PDE4D: variants seen among roughly 807,000 people sequenced by gnomAD.
The protein encoded by PDE4D is 3',5'-cyclic-AMP phosphodiesterase 4D.
PDE4D carries 24 observed loss-of-function variants against 87.4 expected under a neutral mutation model. The observed-to-expected ratio is 0.27, with a 90% confidence interval of 0.20 to 0.39. The LOEUF (loss-of-function observed/expected upper bound fraction) is 0.39. PDE4D is among the 10% of genes least tolerant of loss of function. PDE4D has a pLI of 1.00. For missense variants in PDE4D, 714 were observed against 1,041.0 expected (o/e 0.69, Z 4.32); for synonymous variants, 384 against 383.2 (o/e 1.00, Z -0.02).
chr5:59,149,566 A>G (rs1961), intron 5 of PDE4D, among the ~76,000 whole-genome samples: 58,474 of 151,874 alleles, frequency 0.39, 11,648 homozygotes, highest in African/African-American at 0.45. Context: ...ATGATACTGG[A>G]ATGGAGATTT....
At position 59,008,106 on chromosome 5, in the gene PDE4D, CAT is replaced by C. The variant is rs572712224; in HGVS notation, c.922-14643_922-14642del. ...ATTTACCTAAAACCAGCAGCAGCAGCATATCTACTACAGACTTTTGTTTCACT... is the reference window on the plus strand; with the variant it reads ...ATTTACCTAAAACCAGCAGCAGCAGCATCTACTACAGACTTTTGTTTCACT... On this transcript the variant is annotated intron_variant, in intron 6 of 14. Transcript: ENST00000340635. 1.1e-4 allele frequency among the ~76,000 whole-genome samples: 16 copies of C among 152,108 alleles called. No homozygotes were observed. The South Asian group carries it at 1.9e-3, about 18-fold the overall frequency.
intron 1 of PDE4D, among the ~76,000 whole-genome samples, chr5:59,409,100 A>G (rs907799130): frequency 1.3e-5 from 2 of 151,026 alleles, no homozygotes; most frequent in African/African-American, 4.9e-5. Context: ...GTGAGCCAAG[A>G]TTGCACCATT....
intron 1 of PDE4D, among the ~76,000 whole-genome samples, chr5:59,286,418 C>T (rs993579550): frequency 5.3e-5 from 8 of 152,126 alleles, no homozygotes; most frequent in Non-Finnish European, 1.2e-4. Context: ...TGAAGCATAA[C>T]CTGGGGAAAG....
chr5:59,688,483 G>A (rs958246437), intron 1 of PDE4D, among the ~76,000 whole-genome samples: 3 of 152,072 alleles, frequency 2.0e-5, no homozygotes, highest in Non-Finnish European at 2.9e-5. Context: ...GGTACATAAC[G>A]AAATGAAGGC....
intron 11 of PDE4D, among the ~76,000 whole-genome samples, chr5:58,986,989 A>C (rs1266041687): frequency 6.6e-6 from 1 of 152,036 alleles, no homozygotes; most frequent in African/African-American, 2.4e-5. Flanking sequence ...TTAACACAAA[A>C]ATTTTATGTA....
chr5:59,416,314 G>T (rs1342673469), intron 1 of PDE4D, among the ~76,000 whole-genome samples: 1 of 152,148 alleles, frequency 6.6e-6, no homozygotes, highest in Admixed American at 6.5e-5. Flanking sequence ...GCCCAAAGAG[G>T]ACTTCTTGGA....
chr5:59,265,914 T>C (rs1471654922), intron 1 of PDE4D, among the ~76,000 whole-genome samples: 2 of 151,998 alleles, frequency 1.3e-5, no homozygotes, highest in African/African-American at 4.8e-5. Flanking sequence ...GAAGACTATA[T>C]TGAGAGGAAA....
In PDE4D at chr5:59,988,189, C is replaced by T. The variant is rs4700349; in HGVS notation, c.272+299G>A. On this transcript the variant is annotated intron_variant, in intron 3 of 16. Transcript: ENST00000502484. ...CATTAGTTCTCATTTGTTAAAATGT[C>T]TTCTATCAAGTCACATATGGCCAAT... The T allele has an allele frequency of 0.65, 169,522 of 259,434 alleles. 58,797 individuals are homozygous for T. Among genetic ancestry groups the T allele is most frequent in the East Asian group, 0.79 (10,892 of 13,758 alleles). The allele number at this position is 259,434 out of a possible 1,614,324, so 16.1% of individuals were successfully genotyped here.
chr5:59,350,946 G>A (rs1456707541), intron 1 of PDE4D, among the ~76,000 whole-genome samples: 2 of 152,190 alleles, frequency 1.3e-5, no homozygotes, highest in East Asian at 3.8e-4. Flanking sequence ...GTATGTGCAA[G>A]TTGCTTATAA....
intron 1 of PDE4D, among the ~76,000 whole-genome samples, chr5:59,414,691 C>G (rs6875027): frequency 0.17 from 26,230 of 152,218 alleles, 3,041 homozygotes; most frequent in African/African-American, 0.32. Context: ...CCACTGTGCT[C>G]TGTTACAGAG....
chr5:60,112,358 GGAGT>G (rs1218372602), intron 2 of PDE4D, among the ~76,000 whole-genome samples: 1 of 151,972 alleles, frequency 6.6e-6, no homozygotes, highest in African/African-American at 2.4e-5. Flanking sequence ...TCTTCTCCAT[GGAGT>G]GAGTAACCAC....
At chr5:59,677,366 T>C (rs1273198489) in intron 1 of PDE4D, among the ~76,000 whole-genome samples, 1 of 152,204 alleles carries the variant, frequency 6.6e-6, no homozygotes, top group Non-Finnish European at 1.5e-5. Context: ...ATTTATCTAG[T>C]GTTTTCTAAG....
intron 2 of PDE4D, among the ~76,000 whole-genome samples, chr5:60,006,008 A>C (rs1764438930): frequency 6.6e-6 from 1 of 152,032 alleles, no homozygotes; most frequent in South Asian, 2.1e-4. Flanking sequence ...AGAAATTATT[A>C]GGAAATTTTT....
chr5:59,221,017 G>A (rs1420434996), intron 1 of PDE4D, among the ~76,000 whole-genome samples: 2 of 152,082 alleles, frequency 1.3e-5, no homozygotes, highest in Non-Finnish European at 2.9e-5. Context: ...CAGGCGCTGT[G>A]CTTTGCATAT....
At chr5:60,084,402 G>A (rs1008034814) in intron 2 of PDE4D, among the ~76,000 whole-genome samples, 10 of 151,864 alleles carry the variant, frequency 6.6e-5, no homozygotes, top group Non-Finnish European at 1.2e-4. Context: ...GTGTGTGTGT[G>A]TGTGCGCGCG....
At chr5:59,505,648 G>A (rs1377738511) in intron 1 of PDE4D, among the ~76,000 whole-genome samples, 2 of 152,146 alleles carry the variant, frequency 1.3e-5, no homozygotes, top group Middle Eastern at 3.4e-3. Flanking sequence ...TTTTACTATT[G>A]GAAACCAAAA....
chr5:60,030,402 A>C (rs1170295040), intron 2 of PDE4D, among the ~76,000 whole-genome samples: 1 of 152,186 alleles, frequency 6.6e-6, no homozygotes, highest in Non-Finnish European at 1.5e-5. Context: ...GTGAGCCGAG[A>C]TTGCGCCACT....
intron 2 of PDE4D, among the ~76,000 whole-genome samples, chr5:59,209,898 T>C (rs547567670): frequency 1.2e-4 from 18 of 152,244 alleles, no homozygotes; most frequent in Admixed American, 2.0e-4. Context: ...GGTTGACAGA[T>C]GTTTTCGTGT....
chr5:60,330,158 T>C (rs1359107919), intron 1 of PDE4D, among the ~76,000 whole-genome samples: 4 of 152,138 alleles, frequency 2.6e-5, no homozygotes, highest in African/African-American at 9.7e-5. Context: ...GAAACTTTGA[T>C]CTGATACCTT....
Sources: allele counts gnomAD v4.1 joint callset (sites outside exome capture counted in the v4.1 genomes callset), GRCh38; gene constraint gnomAD v4.1.1; transcripts MANE v1.5; gene names NCBI Gene and HGNC (gene_info 2026-07-23, HGNC 2026-07-21).